IL19: variants seen among roughly 807,000 people sequenced by gnomAD.
IL19 encodes the protein interleukin 19.
Under a neutral mutation model 19.5 loss-of-function variants are expected in IL19, and 15 were observed. The observed-to-expected ratio is 0.77, with a 90% CI of 0.52 to 1.19. The LOEUF (loss-of-function observed/expected upper bound fraction) is 1.19, where lower values mean the gene tolerates loss of function less well. IL19 is among the 50% of genes most tolerant of loss of function. The pLI is 0.00. For missense variants in IL19, 199 were observed against 213.1 expected (o/e 0.93, Z 0.41); for synonymous variants, 78 against 78.3 (o/e 1.00, Z 0.02).
chr1:206,799,523 C>T (rs1489602926), intron 2 of IL19, among the ~76,000 whole-genome samples: 1 of 152,220 alleles, frequency 6.6e-6, no homozygotes, highest in African/African-American at 2.4e-5. Context: ...CACGTAGTCA[C>T]TCCTTTCTGC....
In IL19 at chr1:206,823,979, C is replaced by T. The variant is rs373683160; in HGVS notation, c.-2-12682C>T. 9.5e-4 allele frequency among the ~76,000 whole-genome samples: 145 copies of T among 152,306 alleles called. No homozygotes were observed. In the South Asian group the frequency reaches 9.7e-3, roughly 10 times the overall value. On this transcript the variant is annotated intron_variant, in intron 2 of 6. Coordinates refer to ENST00000659997, the MANE Select transcript of IL19 (RefSeq NM_153758.5). ...GGGCAAGTTTCAGTTTTAGCAGGATCGCCGTGTCTTCAGAGGGAAAGAATG... is the reference window on the plus strand; with the variant it reads ...GGGCAAGTTTCAGTTTTAGCAGGATTGCCGTGTCTTCAGAGGGAAAGAATG...
chr1:206,839,712 A>T lies in IL19; in HGVS notation c.211-138A>T, dbSNP rs1676934457. ...TTGATGGGAATAAGAGAGGATGAACACTCTGAGACCATTACGAATTTTTCC... is the reference window on the plus strand; with the variant it reads ...TTGATGGGAATAAGAGAGGATGAACTCTCTGAGACCATTACGAATTTTTCC... On this transcript the variant is annotated intron_variant, in intron 4 of 6. Transcript: ENST00000659997. The T allele has an allele frequency of 4.2e-6, 3 of 720,060 alleles. No individual in the cohort carries two copies. The South Asian group carries it at 5.6e-5, about 13-fold the overall frequency. 44.6% of individuals were successfully genotyped at this position (720,060 alleles called of 1,614,324 possible). A position where few individuals can be genotyped will look rare whatever the true frequency, so the allele number is the denominator to read the frequency against.
chr1:206,792,054 G>A (rs1243597920), intron 1 of IL19, among the ~76,000 whole-genome samples: 26 of 152,194 alleles, frequency 1.7e-4, no homozygotes, highest in Admixed American at 1.6e-3. Flanking sequence ...ACGGGCAGAT[G>A]CCCACTTCTC....
In IL19 at chr1:206,798,881, A is replaced by C; in HGVS notation, c.-128A>C. On this transcript the variant is annotated 5_prime_UTR_variant, in exon 2 of 7. Transcript: ENST00000659997. The stretch of plus-strand genomic sequence containing the variant: ...CATAGAGCGGTGCTTGCACACACTG[A>C]CAGGAGTCCAAGAATGTGCACTGAG... The C allele has an allele frequency of 1.3e-6, 2 of 1,585,222 alleles. No homozygotes were observed. Among genetic ancestry groups the C allele is most frequent in the East Asian group, 4.5e-5 (2 of 44,674 alleles).
chr1:206,832,506 C>T (rs942680007), intron 2 of IL19, among the ~76,000 whole-genome samples: 1 of 152,176 alleles, frequency 6.6e-6, no homozygotes, highest in Non-Finnish European at 1.5e-5. Context: ...CCTGGCCATA[C>T]CCTCGTCTTA....
chr1:206,835,443 A>G (rs1354708769), intron 2 of IL19, among the ~76,000 whole-genome samples: 1 of 152,198 alleles, frequency 6.6e-6, no homozygotes, highest in East Asian at 1.9e-4. Flanking sequence ...GAGACAGGCA[A>G]AAATGGTTTC....
chr1:206,778,559 C>T (rs1675061646), intron 1 of IL19, among the ~76,000 whole-genome samples: 1 of 152,174 alleles, frequency 6.6e-6, no homozygotes, highest in Admixed American at 6.5e-5. Context: ...AGATAAGTGA[C>T]TTCTGCAGTC....
chr1:206,784,450 C>T (rs1675217365), intron 1 of IL19, among the ~76,000 whole-genome samples: 1 of 152,214 alleles, frequency 6.6e-6, no homozygotes, highest in South Asian at 2.1e-4. Flanking sequence ...TCTGCCCAGC[C>T]CTGGAAGTGC....
chr1:206,803,527 A>G (rs1675770126), intron 2 of IL19, among the ~76,000 whole-genome samples: 1 of 152,184 alleles, frequency 6.6e-6, no homozygotes, highest in African/African-American at 2.4e-5. Flanking sequence ...AACAAAGAGT[A>G]CAAGCTGGAT....
At chr1:206,804,327 G>A (rs1228172455) in intron 2 of IL19, among the ~76,000 whole-genome samples, 1 of 152,202 alleles carries the variant, frequency 6.6e-6, no homozygotes, top group African/African-American at 2.4e-5. Flanking sequence ...TGAACCTGGA[G>A]ATCCTTTCCA....
intron 2 of IL19, among the ~76,000 whole-genome samples, chr1:206,832,630 C>T (rs1369502029): frequency 1.3e-5 from 2 of 152,180 alleles, no homozygotes; most frequent in African/African-American, 4.8e-5. Flanking sequence ...ATAAACTCCC[C>T]ATCTCCATGC....
intron 1 of IL19, among the ~76,000 whole-genome samples, chr1:206,771,734 G>A (rs903738728): frequency 6.6e-6 from 1 of 152,160 alleles, no homozygotes; most frequent in Non-Finnish European, 1.5e-5. Context: ...AACCCTTCGG[G>A]GCCTTGAGCC....
At chr1:206,809,173 G>A (rs1414807139) in intron 2 of IL19, among the ~76,000 whole-genome samples, 2 of 152,142 alleles carry the variant, frequency 1.3e-5, no homozygotes, top group Admixed American at 1.3e-4. Flanking sequence ...AGCATTCCTA[G>A]GCAGCAGACC....
intron 2 of IL19, chr1:206,834,234 A>G (rs1021572995): frequency 2.7e-5 from 27 of 985,176 alleles, no homozygotes; most frequent in Non-Finnish European, 3.1e-5. Context: ...AGGAAATACA[A>G]TACTAAGAAA....
In IL19 at chr1:206,771,338, C is replaced by T. The variant is rs376490444; in HGVS notation, c.-149+260C>T. Reference sequence around the variant, plus strand: ...AATCATGCTGCACACTCCCCCAGCACCCCGCCCCTGCTCTCACCTTAAAGT... The same window carrying T: ...AATCATGCTGCACACTCCCCCAGCATCCCGCCCCTGCTCTCACCTTAAAGT... On this transcript the variant is annotated intron_variant, in intron 1 of 6. Transcript: ENST00000659997. 78 of 1,610,542 alleles carry T rather than the reference C, an allele frequency of 4.8e-5. No homozygotes were observed. In the African/African-American group the frequency reaches 9.7e-4, roughly 20 times the overall value.
intron 1 of IL19, among the ~76,000 whole-genome samples, chr1:206,779,166 C>G (rs889872751): frequency 2.0e-5 from 3 of 152,208 alleles, no homozygotes; most frequent in Admixed American, 2.0e-4. Flanking sequence ...GTTGGTTGCT[C>G]TCCCAGGCTC....
chr1:206,810,775 G>T (rs1675984852), intron 2 of IL19, among the ~76,000 whole-genome samples: 1 of 152,214 alleles, frequency 6.6e-6, no homozygotes, highest in African/African-American at 2.4e-5. Context: ...AGTTGGAGGT[G>T]GGGCCTACTG....
At chr1:206,795,678 C>T (rs1417066823) in intron 1 of IL19, among the ~76,000 whole-genome samples, 2 of 152,194 alleles carry the variant, frequency 1.3e-5, no homozygotes, top group African/African-American at 2.4e-5. Flanking sequence ...GAGCTTCTTA[C>T]AGCCTCTGCA....
chr1:206,840,221 T>A, intron 5 of IL19: 1 of 693,668 alleles, frequency 1.4e-6, no homozygotes, highest in Non-Finnish European at 2.6e-6. Context: ...TCCTCCTAGA[T>A]AACCCTCCTG....
Sources: gnomAD v4.1 joint callset for allele counts (sites outside exome capture counted in the v4.1 genomes callset) on GRCh38, gnomAD v4.1.1 for gene constraint, MANE v1.5 for transcripts, NCBI Gene and HGNC (gene_info 2026-07-23, HGNC 2026-07-21) for gene names.